The following RHBDL3 variants were observed in gnomAD, a reference collection of about 807,000 sequenced individuals.
The protein encoded by RHBDL3 is rhomboid like 3, also known as rhomboid-related protein 3.
Under a neutral mutation model 48.2 loss-of-function variants are expected in RHBDL3, and 28 were observed. That is an observed-to-expected ratio of 0.58 (90% CI 0.43 to 0.80). The LOEUF (loss-of-function observed/expected upper bound fraction) is 0.80, where lower values mean the gene tolerates loss of function less well. Ranked by LOEUF, RHBDL3 falls within the 30% of genes least tolerant of loss-of-function variation. The pLI, the probability that RHBDL3 is intolerant of heterozygous loss-of-function variation, is 0.00. For synonymous variants in RHBDL3, 208 were observed against 232.3 expected, an observed-to-expected ratio of 0.90 and a Z score of 0.95; for missense variants, 464 against 542.7, an observed-to-expected ratio of 0.85 and a Z score of 1.44.
At chr17:32,317,525 A>G (rs1028839665) in intron 8 of RHBDL3, among the ~76,000 whole-genome samples, 13 of 152,146 alleles carry the variant, frequency 8.5e-5, no homozygotes, top group Admixed American at 1.3e-4. Context: ...CCAAGTAAAC[A>G]TGGTGTAAGA....
intron 7 of RHBDL3, among the ~76,000 whole-genome samples, chr17:32,315,806 T>G (rs2040957901): frequency 6.6e-6 from 1 of 151,916 alleles, no homozygotes; most frequent in Non-Finnish European, 1.5e-5. Flanking sequence ...CCCTCTTTTT[T>G]GAGCTAAAAG....
At chr17:32,278,763 G>C (rs1449491219) in intron 2 of RHBDL3, among the ~76,000 whole-genome samples, 1 of 152,202 alleles carries the variant, frequency 6.6e-6, no homozygotes, top group Non-Finnish European at 1.5e-5. Context: ...GTTGCTGTGA[G>C]ATTTAAATAG....
At chr17:32,277,955 T>A (rs2039953340) in intron 2 of RHBDL3, among the ~76,000 whole-genome samples, 1 of 152,180 alleles carries the variant, frequency 6.6e-6, no homozygotes, top group Non-Finnish European at 1.5e-5. Flanking sequence ...GAACCCTTAT[T>A]TCAGGTACCA....
intron 2 of RHBDL3, among the ~76,000 whole-genome samples, chr17:32,279,486 C>T (rs2039991401): frequency 6.6e-6 from 1 of 152,152 alleles, no homozygotes; most frequent in Non-Finnish European, 1.5e-5. Context: ...GATTCCCTGA[C>T]CTGCTGTCCC....
chr17:32,299,533 T>TACCTCAATACCCAGAG lies in RHBDL3; in HGVS notation c.781+1333_781+1348dup, dbSNP rs1282518045. Among the ~76,000 whole-genome samples the TACCTCAATACCCAGAG allele has an allele frequency of 2.0e-5, 3 of 152,214 alleles. No homozygotes were observed. In the East Asian group the frequency reaches 5.8e-4, roughly 29 times the overall value. ...TGAGGATTGATAGCCTCATTTTCCA[T>TACCTCAATACCCAGAG]ACCTCAATACCCAGAGACCCAGATG... On this transcript the variant is annotated intron_variant, in intron 6 of 8. Coordinates refer to ENST00000269051, the MANE Select transcript of RHBDL3 (RefSeq NM_138328.3).
At chr17:32,283,565 C>T (rs1187378547) in intron 2 of RHBDL3, among the ~76,000 whole-genome samples, 7 of 151,962 alleles carry the variant, frequency 4.6e-5, no homozygotes, top group Admixed American at 2.0e-4. Context: ...CCTTGTGATC[C>T]GCCCGCCTTG....
At chr17:32,273,063 C>T (rs867236339) in intron 2 of RHBDL3, among the ~76,000 whole-genome samples, 2 of 152,334 alleles carry the variant, frequency 1.3e-5, no homozygotes, top group Middle Eastern at 6.8e-3. Context: ...TGCAGTAGCG[C>T]GATCTCAGCT....
intron 2 of RHBDL3, 88 bp downstream of exon 2, chr17:32,268,013 G>A (rs572765474): frequency 3.0e-6 from 3 of 993,898 alleles, no homozygotes; most frequent in African/African-American, 1.6e-5. Flanking sequence ...CCCTAGCTCC[G>A]CGCTCCTGAG....
At chr17:32,293,988 C>T (rs759878737) in intron 4 of RHBDL3, among the ~76,000 whole-genome samples, 4 of 151,926 alleles carry the variant, frequency 2.6e-5, no homozygotes, top group Non-Finnish European at 5.9e-5. Context: ...ATTAGCCAGG[C>T]GTGGTGGCAC....
At chr17:32,308,623 A>G (rs2040765935) in intron 7 of RHBDL3, among the ~76,000 whole-genome samples, 1 of 152,142 alleles carries the variant, frequency 6.6e-6, no homozygotes, top group Non-Finnish European at 1.5e-5. Flanking sequence ...CAAAAAAAAG[A>G]AAGAAAGAAA....
At chr17:32,271,387 GGTAAT>G (rs1246113677) in intron 2 of RHBDL3, among the ~76,000 whole-genome samples, 1 of 152,068 alleles carries the variant, frequency 6.6e-6, no homozygotes, top group African/African-American at 2.4e-5. Context: ...ATTTTGCACA[GGTAAT>G]GTCCCCTTTA....
intron 4 of RHBDL3, among the ~76,000 whole-genome samples, chr17:32,289,394 C>T (rs1488071312): frequency 6.6e-6 from 1 of 152,146 alleles, no homozygotes; most frequent in Non-Finnish European, 1.5e-5. Context: ...TAGTTCCTCC[C>T]TAGGTGGGTA....
chr17:32,284,052 G>T (rs554504718), intron 2 of RHBDL3: 1 of 152,532 alleles, frequency 6.6e-6, no homozygotes, highest in Non-Finnish European at 1.5e-5. Flanking sequence ...ACACACAGAC[G>T]CGCACTCCTA....
rs531476684 is a variant in RHBDL3 at position 32,299,076 on chromosome 17, C to T, written c.781+872C>T. On this transcript the variant is annotated intron_variant, in intron 6 of 8. Transcript: ENST00000269051. ...TTTTTTTTTTTTTAACAAGGTTTGC[C>T]GCCTCAGCTCTTCAGCTTGACAGCT... 4.0e-5 allele frequency among the ~76,000 whole-genome samples: 6 copies of T among 149,208 alleles called. No homozygotes were observed. In the East Asian group the frequency reaches 7.8e-4, roughly 19 times the overall value.
intron 8 of RHBDL3, 81 bp from the exon 9 acceptor site, chr17:32,320,877 C>A: frequency 2.0e-6 from 2 of 983,700 alleles, no homozygotes; most frequent in Non-Finnish European, 1.6e-6. Flanking sequence ...GGAATGAATT[C>A]ATGGGTGGGT....
intron 2 of RHBDL3, among the ~76,000 whole-genome samples, chr17:32,282,153 A>G (rs775068022): frequency 2.0e-5 from 3 of 152,226 alleles, no homozygotes; most frequent in African/African-American, 7.2e-5. Flanking sequence ...TTATTCTTCA[A>G]GATCTTTACT....
At chr17:32,283,499 AT>A (rs747524386) in intron 2 of RHBDL3, among the ~76,000 whole-genome samples, 4 of 151,028 alleles carry the variant, frequency 2.6e-5, no homozygotes, top group Non-Finnish European at 4.4e-5. Flanking sequence ...ACTTTTTTGT[AT>A]TTTTAGTAGA....
chr17:32,296,353 TG>T (rs1321972179), intron 5 of RHBDL3, among the ~76,000 whole-genome samples: 5 of 141,388 alleles, frequency 3.5e-5, no homozygotes, highest in Admixed American at 1.4e-4. Flanking sequence ...TTTTTTTTTT[TG>T]AGATGGAGTC....
At chr17:32,319,366 G>A (rs934788296) in intron 8 of RHBDL3, among the ~76,000 whole-genome samples, 1 of 145,234 alleles carries the variant, frequency 6.9e-6, no homozygotes, top group Non-Finnish European at 1.5e-5. Flanking sequence ...AGCTTGCAGT[G>A]AGCCGAGATC....
Sources: allele counts gnomAD v4.1 joint callset (sites outside exome capture counted in the v4.1 genomes callset), GRCh38; gene constraint gnomAD v4.1.1; transcripts MANE v1.5; gene names NCBI Gene and HGNC (gene_info 2026-07-23, HGNC 2026-07-21).